The following ACAD10 variants were observed in gnomAD, a reference collection of about 807,000 sequenced individuals.
ACAD10 encodes ACAD-10.
A neutral mutation model predicts 116.8 loss-of-function variants in ACAD10; 112 were observed. The ratio of observed to expected loss-of-function variants is 0.96; its 90% CI spans 0.82 to 1.12. The LOEUF (loss-of-function observed/expected upper bound fraction) is 1.12, where lower values mean the gene tolerates loss of function less well. Ranked by LOEUF, ACAD10 falls within the 50% of genes most tolerant of loss-of-function variation. The probability of loss-of-function intolerance (pLI) is 0.00; values close to 1 mark genes in which losing one functional copy is unlikely to be tolerated. For missense variants in ACAD10, 1,259 were observed against 1,350.2 expected (o/e 0.93, Z 1.06); for synonymous variants, 486 against 510.6 (o/e 0.95, Z 0.65).
At chr12:111,693,922 G>A (rs374170715) in intron 2 of ACAD10, among the ~76,000 whole-genome samples, 5 of 152,124 alleles carry the variant, frequency 3.3e-5, no homozygotes, top group South Asian at 4.2e-4. Context: ...CAGGGACTCC[G>A]ACTCTTTATA....
rs771222489 is a variant in ACAD10 at position 111,755,660 on chromosome 12, C to T, written c.2962-8C>T. ...GTCTTTTATGATCGCATCTCCTCCT[C>T]CTTACAGGCTGCAGCCTTGGATATA... On this transcript the variant is annotated splice_region_variant and splice_polypyrimidine_tract_variant and intron_variant, in intron 19 of 20. Coordinates refer to ENST00000313698, the MANE Select transcript of ACAD10 (RefSeq NM_025247.6). 1.4e-5 allele frequency: 23 copies of T among 1,613,276 alleles called. No individual in the cohort carries two copies. Among genetic ancestry groups the T allele is most frequent in the Non-Finnish European group, 1.9e-5 (23 of 1,179,578 alleles).
At chr12:111,713,512 C>A (rs1293751727) in intron 6 of ACAD10, among the ~76,000 whole-genome samples, 1 of 151,218 alleles carries the variant, frequency 6.6e-6, no homozygotes, top group Non-Finnish European at 1.5e-5. Context: ...ATAGTCCCAG[C>A]TGCTCTGGAG....
At chr12:111,702,786 A>G (rs1031962468) in intron 3 of ACAD10, among the ~76,000 whole-genome samples, 1 of 152,146 alleles carries the variant, frequency 6.6e-6, no homozygotes, top group Non-Finnish European at 1.5e-5. Flanking sequence ...TGTTCAATTC[A>G]TATATGAATA....
At chr12:111,698,168 A>G (rs1204511857) in intron 2 of ACAD10, among the ~76,000 whole-genome samples, 4 of 149,106 alleles carry the variant, frequency 2.7e-5, no homozygotes, top group African/African-American at 7.4e-5. Flanking sequence ...CTAATTTTTT[A>G]TATGTTTTTA....
rs11066015 is a variant in ACAD10, at chr12:111,730,205, G to A, written c.1394+249G>A. 7.9e-3 allele frequency among the ~76,000 whole-genome samples: 1,206 copies of A among 152,248 alleles called. 142 individuals are homozygous for A. The East Asian group carries it at 0.23, about 29-fold the overall frequency. ...CATCATCCCTGGCCTCAACCCACTC[G>A]ATGACAGTAGCACCCCTCCCCACAG... On this transcript the variant is annotated intron_variant, in intron 10 of 20. Transcript: ENST00000313698.
chr12:111,744,829 G>A lies in ACAD10; in HGVS notation c.1901G>A (p.Arg634Lys). 4 of 1,614,230 alleles carry A rather than the reference G, an allele frequency of 2.5e-6. No individual in the cohort carries two copies. Among genetic ancestry groups the A allele is most frequent in the Non-Finnish European group, 3.4e-6 (4 of 1,180,040 alleles). The change falls in exon 13 of 21, where the codon AGG (arginine) becomes AAG (lysine). Residue 634 changes from arginine to lysine, a missense_variant. Physicochemically the swap from Arg to Lys is conservative, Grantham distance 26. Coordinates refer to ENST00000313698, the MANE Select transcript of ACAD10 (RefSeq NM_025247.6). Reference protein sequence around the residue: ...PQSQWCPTGSRSYSSVPEASP... With the variant: ...PQSQWCPTGSKSYSSVPEASP... ...TCCCAGTGGTGCCCCACAGGCAGCAGGAGTTATAGCTCCGTTCCAGAAGCT... is the reference window on the plus strand; with the variant it reads ...TCCCAGTGGTGCCCCACAGGCAGCAAGAGTTATAGCTCCGTTCCAGAAGCT...
chr12:111,718,740 A>G (rs1427927614), intron 7 of ACAD10, among the ~76,000 whole-genome samples: 4 of 152,042 alleles, frequency 2.6e-5, no homozygotes, highest in Non-Finnish European at 5.9e-5. Context: ...TGGCTTCCCA[A>G]AGTGCTGGGA....
chr12:111,717,321 G>A lies in ACAD10; in HGVS notation c.992+1359G>A, dbSNP rs565696311. The stretch of plus-strand genomic sequence containing the variant: ...TGTAGTGAGCTGAGATCGTACCGCT[G>A]CACTCACAAAGTGAGACCCTGTCTC... On this transcript the variant is annotated intron_variant, in intron 7 of 20. Transcript: ENST00000313698. 1.5e-3 allele frequency among the ~76,000 whole-genome samples: 207 copies of A among 141,350 alleles called. 1 individual carries two copies. The highest frequency in any genetic ancestry group is 5.0e-3 in the African/African-American group (189 of 37,468). The allele number at this position is 141,350 out of a possible 152,430, so 92.7% of individuals were successfully genotyped here.
At chr12:111,750,192 C>T (rs534745086) in intron 18 of ACAD10, among the ~76,000 whole-genome samples, 1 of 150,046 alleles carries the variant, frequency 6.7e-6, no homozygotes, top group South Asian at 2.1e-4. Context: ...ACTGGGTTCA[C>T]ACCATTCTCT....
chr12:111,756,752 A>G lies in ACAD10; in HGVS notation c.*279A>G, dbSNP rs1394153199. On this transcript the variant is annotated 3_prime_UTR_variant, in exon 21 of 21. Transcript: ENST00000313698. ...AGCTGGTCTTCAGGCTCTCAGTCCC[A>G]GGCTGGGCAGGCACGGTCACTTCAC... The G allele has an allele frequency of 5.0e-6, 3 of 594,294 alleles. No homozygotes were observed. In the African/African-American group the frequency reaches 5.5e-5, roughly 11 times the overall value. 36.8% of individuals were successfully genotyped at this position (594,294 alleles called of 1,614,324 possible).
chr12:111,714,656 C>T (rs1886359554), intron 6 of ACAD10, among the ~76,000 whole-genome samples: 1 of 151,780 alleles, frequency 6.6e-6, no homozygotes, highest in African/African-American at 2.4e-5. Context: ...AGGGAGAGTC[C>T]ATCTCAAAAA....
rs115865082 is a variant in ACAD10 at position 111,748,081 on chromosome 12, T to C, written c.2486-236T>C. Among the ~76,000 whole-genome samples the C allele has an allele frequency of 5.7e-3, 873 of 152,322 alleles. 9 individuals carry two copies. Among genetic ancestry groups the C allele is most frequent in the African/African-American group, 0.02 (824 of 41,568 alleles). Reference sequence around the variant, plus strand: ...TGTCTCTAAATTATATTTTCTACTCTATGTGATGCTTTTAAAAACTTGCTC... The same window carrying C: ...TGTCTCTAAATTATATTTTCTACTCCATGTGATGCTTTTAAAAACTTGCTC... On this transcript the variant is annotated intron_variant, in intron 16 of 20. Coordinates refer to ENST00000313698, the MANE Select transcript of ACAD10 (RefSeq NM_025247.6).
At chr12:111,718,643 G>A (rs140102070) in intron 7 of ACAD10, among the ~76,000 whole-genome samples, 2,371 of 151,872 alleles carry the variant, frequency 0.016, 71 homozygotes, top group African/African-American at 0.054. Context: ...CCATACCCAG[G>A]TAATTTTTGT....
intron 7 of ACAD10, among the ~76,000 whole-genome samples, chr12:111,719,552 T>C (rs1039396578): frequency 6.7e-6 from 1 of 149,978 alleles, no homozygotes; most frequent in Non-Finnish European, 1.5e-5. Flanking sequence ...GCGCCCGGCC[T>C]TTTGTTTGTT....
Position 111,724,886 on chromosome 12 carries a change from AGAGAGGGAGAGGGAGACCGTGGG to A in ACAD10, c.1062-3059_1062-3037del, listed in dbSNP as rs1378963116. The stretch of plus-strand genomic sequence containing the variant: ...AGAGAGGGAGAGGGAGACCGTGGAA[AGAGAGGGAGAGGGAGACCGTGGG>A]GAGAGGGAGAGGGAGAAGACTATTT... On this transcript the variant is annotated intron_variant, in intron 8 of 20. Transcript: ENST00000313698. Among the ~76,000 whole-genome samples, 145 of 151,054 alleles carry A rather than the reference AGAGAGGGAGAGGGAGACCGTGGG, an allele frequency of 9.6e-4. 1 individual carries two copies. The highest frequency in any genetic ancestry group is 5.8e-3 in the South Asian group (28 of 4,788).
At chr12:111,698,063 C>T (rs1245293955) in intron 2 of ACAD10, among the ~76,000 whole-genome samples, 5 of 148,436 alleles carry the variant, frequency 3.4e-5, no homozygotes, top group Non-Finnish European at 4.4e-5. Flanking sequence ...GCTGTGATCT[C>T]GGCTCACTGT....
At chr12:111,712,721 A>G (rs1321621088) in intron 6 of ACAD10, 64 bp downstream of exon 6, 2 of 1,544,862 alleles carry the variant, frequency 1.3e-6, no homozygotes, top group African/African-American at 2.7e-5. Flanking sequence ...TCTGTTTCTC[A>G]CTTTTCAACC....
At chr12:111,723,346 C>T (rs532926198) in intron 8 of ACAD10, among the ~76,000 whole-genome samples, 303 of 136,464 alleles carry the variant, frequency 2.2e-3, no homozygotes, top group African/African-American at 6.7e-3. Flanking sequence ...CCCTCCCAGA[C>T]GGGGCGGCTG....
intron 7 of ACAD10, among the ~76,000 whole-genome samples, chr12:111,721,433 T>C (rs1889010020): frequency 6.6e-6 from 1 of 152,084 alleles, no homozygotes; most frequent in African/African-American, 2.4e-5. Context: ...CTGGTTGTGG[T>C]GGTGCACATC....
Sources: gnomAD v4.1 joint callset for allele counts (sites outside exome capture counted in the v4.1 genomes callset) on GRCh38, gnomAD v4.1.1 for gene constraint, MANE v1.5 for transcripts, NCBI Gene and HGNC (gene_info 2026-07-23, HGNC 2026-07-21) for gene names.